VAV1: variants seen among roughly 807,000 people sequenced by gnomAD.
The protein encoded by VAV1 is vav guanine nucleotide exchange factor 1, also known as proto-oncogene vav.
VAV1 carries 33 observed loss-of-function variants against 128.1 expected under a neutral mutation model. That is an observed-to-expected ratio of 0.26 (90% CI 0.20 to 0.34). The LOEUF is 0.34. Among genes scored for constraint, VAV1 ranks in the 10% least tolerant of loss-of-function variants. VAV1 has a pLI of 1.00. For synonymous variants in VAV1, 394 were observed against 409.8 expected (o/e 0.96, Z 0.47); for missense variants, 715 against 1,093.7 (o/e 0.65, Z 4.88).
rs573289473 is a variant in VAV1 at position 6,832,000 on chromosome 19, G to C, written c.1399-91G>C. ...GGGGCATAGAGACTGTCATGGGCTT[G>C]CCTGTTCCCTACAGAGGGAGGGGTG... is the stretch of plus-strand genomic sequence containing the variant. On this transcript the variant is annotated intron_variant, in intron 14 of 26. Transcript: ENST00000602142. 6 of 1,028,360 alleles carry C rather than the reference G, an allele frequency of 5.8e-6. No homozygotes were observed. In the East Asian group the frequency reaches 7.4e-5, roughly 13 times the overall value. 63.7% of individuals were successfully genotyped at this position (1,028,360 alleles called of 1,614,324 possible).
At chr19:6,798,783 T>C (rs1971199046) in intron 1 of VAV1, among the ~76,000 whole-genome samples, 1 of 152,072 alleles carries the variant, frequency 6.6e-6, no homozygotes, top group Admixed American at 6.6e-5. Context: ...GTAGCTGGGA[T>C]TACAGGTGTG....
rs1303347459 is a variant in VAV1, at chr19:6,828,943, G to A, written c.1265+43G>A. ...GGATCTGGGATGGAGCCTGGGCAAA[G>A]GGGTGGGACCAGGCTCCTAGATGGG... On this transcript the variant is annotated intron_variant, in intron 13 of 26. Coordinates refer to ENST00000602142, the MANE Select transcript of VAV1 (RefSeq NM_005428.4). The surrounding 1 kb of genome is among the most constrained non-coding windows in gnomAD (Gnocchi z 4.5). 6.2e-7 allele frequency: 1 copy of A among 1,607,936 alleles called. No individual in the cohort carries two copies. Among genetic ancestry groups the A allele is most frequent in the East Asian group, 2.2e-5 (1 of 44,780 alleles).
At chr19:6,803,480 CGTTGTCT>C (rs1971317623) in intron 1 of VAV1, among the ~76,000 whole-genome samples, 1 of 152,114 alleles carries the variant, frequency 6.6e-6, no homozygotes, top group African/African-American at 2.4e-5. Flanking sequence ...CAATTTGGTC[CGTTGTCT>C]GAGCCCCACC....
chr19:6,794,761 C>A (rs1971093563), intron 1 of VAV1, among the ~76,000 whole-genome samples: 1 of 152,136 alleles, frequency 6.6e-6, no homozygotes, highest in Non-Finnish European at 1.5e-5. Flanking sequence ...ACAAACCACT[C>A]CAAACTGAGT....
chr19:6,796,760 T>A (rs1971145381), intron 1 of VAV1, among the ~76,000 whole-genome samples: 2 of 152,188 alleles, frequency 1.3e-5, no homozygotes, highest in Non-Finnish European at 2.9e-5. Context: ...TTCCTACTTA[T>A]TTTTTTCTCG....
rs1047652067 is a variant in VAV1, at chr19:6,826,782, C to T, written c.927+71C>T. On this transcript the variant is annotated intron_variant, in intron 9 of 26. Transcript: ENST00000602142. This position sits in a 1 kb window ranked among gnomAD's most constrained non-coding sequence, Gnocchi z 4.1. ...GGCCCTGGGGGCAGCAGGGAGGACA[C>T]TGAGTTGCAGATGGTCCACTTTCTG... 35 of 1,250,728 alleles carry T rather than the reference C, an allele frequency of 2.8e-5. No homozygotes were observed. Among genetic ancestry groups the T allele is most frequent in the East Asian group, 5.0e-5 (2 of 39,634 alleles). The allele number at this position is 1,250,728 out of a possible 1,614,324, so 77.5% of individuals were successfully genotyped here. A position where few individuals can be genotyped will look rare whatever the true frequency, so the allele number is the denominator to read the frequency against.
At chr19:6,775,736 A>C (rs1970605556) in intron 1 of VAV1, among the ~76,000 whole-genome samples, 1 of 152,176 alleles carries the variant, frequency 6.6e-6, no homozygotes, top group Admixed American at 6.5e-5. Flanking sequence ...AAGAAGCCAG[A>C]GGAAGCTGCC....
chr19:6,801,355 G>A (rs1221954667), intron 1 of VAV1, among the ~76,000 whole-genome samples: 1 of 152,158 alleles, frequency 6.6e-6, no homozygotes, highest in Non-Finnish European at 1.5e-5. Flanking sequence ...CAACTTGCCG[G>A]GCTGGTCTGG....
At chr19:6,809,087 T>C (rs868176160) in intron 1 of VAV1, among the ~76,000 whole-genome samples, 1 of 150,566 alleles carries the variant, frequency 6.6e-6, no homozygotes, top group Non-Finnish European at 1.5e-5. Flanking sequence ...CTTTTTTTTT[T>C]TTTTTTTTTT....
rs770850991 is a variant in VAV1 at position 6,825,365 on chromosome 19, C to T, written c.786C>T (p.Gly262=). Residue 262 remains glycine (G), a synonymous_variant, in exon 8 of 27, where the codon GGC becomes GGT. Coordinates refer to ENST00000602142, the MANE Select transcript of VAV1 (RefSeq NM_005428.4). ...TGAAGGAAGCCCTGGGCACCCCTGG[C>T]GCAGCCAATCTCTACCAGGTCTTCA... ...KEMKEALGTP[G]AANLYQVFIK... is the part of the protein sequence containing the mutation. 9.3e-6 allele frequency: 15 copies of T among 1,613,748 alleles called. No individual in the cohort carries two copies. The highest frequency in any genetic ancestry group is 6.7e-5 in the East Asian group (3 of 44,892).
At chr19:6,815,673 G>A (rs146773724) in intron 1 of VAV1, among the ~76,000 whole-genome samples, 46 of 152,304 alleles carry the variant, frequency 3.0e-4, no homozygotes, top group African/African-American at 1.1e-3. Flanking sequence ...TAATGGTTAC[G>A]CACAGGCTTG....
intron 1 of VAV1, among the ~76,000 whole-genome samples, chr19:6,776,738 A>G (rs62125159): frequency 0.34 from 50,181 of 148,954 alleles, 8,536 homozygotes; most frequent in Middle Eastern, 0.48. Flanking sequence ...GGATCCATCC[A>G]TCCACTAATC....
chr19:6,829,700 G>T (rs1028428195), intron 13 of VAV1, 86 bp from the exon 14 acceptor site: 1 of 1,574,690 alleles, frequency 6.4e-7, no homozygotes, highest in Non-Finnish European at 8.7e-7. Flanking sequence ...AGGGCAGGGT[G>T]GGACCAGGAT....
At chr19:6,807,945 C>T (rs1355276101) in intron 1 of VAV1, among the ~76,000 whole-genome samples, 1 of 138,462 alleles carries the variant, frequency 7.2e-6, no homozygotes, top group Non-Finnish European at 1.5e-5. Context: ...AGTCGAGATT[C>T]TGCCACTGCA....
Position 6,831,886 on chromosome 19 carries a change from G to A in VAV1, c.1399-205G>A, listed in dbSNP as rs954652369. ...TGTGTGTGTGTGTGTGTGTGCATGT[G>A]CACGCCTGCGTATGTGGTTTTGGGT... is the stretch of plus-strand genomic sequence containing the variant. On this transcript the variant is annotated intron_variant, in intron 14 of 26. Transcript: ENST00000602142. Among the ~76,000 whole-genome samples the A allele has an allele frequency of 2.6e-5, 4 of 151,972 alleles. No individual in the cohort carries two copies. The East Asian group carries it at 7.7e-4, about 29-fold the overall frequency.
rs751773152 is a variant in VAV1 at position 6,832,247 on chromosome 19, G to C, written c.1508+47G>C. The C allele has an allele frequency of 5.0e-6, 8 of 1,588,840 alleles. No homozygotes were observed. In the East Asian group the frequency reaches 9.0e-5, roughly 18 times the overall value. ...TCTTTCTGTCCACAGAGGGGCAGGGGCTGGGAAGGAGGAACGTGATCTAGT... is the reference window on the plus strand; with the variant it reads ...TCTTTCTGTCCACAGAGGGGCAGGGCCTGGGAAGGAGGAACGTGATCTAGT... On this transcript the variant is annotated intron_variant, in intron 15 of 26. Coordinates refer to ENST00000602142, the MANE Select transcript of VAV1 (RefSeq NM_005428.4).
At chr19:6,823,240 T>C (rs958690650) in intron 6 of VAV1, among the ~76,000 whole-genome samples, 1 of 150,320 alleles carries the variant, frequency 6.7e-6, no homozygotes, top group African/African-American at 2.4e-5. Context: ...ATCCTTCTGC[T>C]TCAGCCTCCC....
chr19:6,844,060 C>CTTTTTTTTTTTTTT (rs1972449326), intron 22 of VAV1, among the ~76,000 whole-genome samples: 1 of 18,798 alleles, frequency 5.3e-5, no homozygotes, highest in Non-Finnish European at 1.1e-4. Flanking sequence ...TCTTCTTCTT[C>CTTTTTTTTTTTTTT]TTCTTTTTTT....
At position 6,822,088 on chromosome 19, in the gene VAV1, G is replaced by A; in HGVS notation, c.450-133G>A. The A allele has an allele frequency of 5.8e-6, 6 of 1,030,108 alleles. No individual in the cohort carries two copies. Among genetic ancestry groups the A allele is most frequent in the Non-Finnish European group, 8.6e-6 (6 of 695,138 alleles). 63.8% of individuals were successfully genotyped at this position (1,030,108 alleles called of 1,614,324 possible). ...ATGGCCCTGCCCTGGAGCTTGGAGG[G>A]ACATGGCCTGCCCTTGGAGTCTGAG... On this transcript the variant is annotated intron_variant, in intron 4 of 26. Coordinates refer to ENST00000602142, the MANE Select transcript of VAV1 (RefSeq NM_005428.4). The surrounding 1 kb of genome is among the most constrained non-coding windows in gnomAD (Gnocchi z 5.9).
Sources: allele counts gnomAD v4.1 joint callset (sites outside exome capture counted in the v4.1 genomes callset), GRCh38; gene constraint gnomAD v4.1.1; non-coding constraint Gnocchi (gnomAD v3.1); transcripts MANE v1.5; gene names NCBI Gene and HGNC (gene_info 2026-07-23, HGNC 2026-07-21).